Variants in ASXL1 observed in about 807,000 individuals in gnomAD.
ASXL1 encodes polycomb group protein ASXL1.
A neutral mutation model predicts 89.1 loss-of-function variants in ASXL1; 65 were observed. That is an observed-to-expected ratio of 0.73 (90% confidence interval 0.60 to 0.90). The LOEUF (loss-of-function observed/expected upper bound fraction) is 0.90, where lower values mean the gene tolerates loss of function less well. ASXL1 is among the 40% of genes least tolerant of loss of function. The pLI is 0.00. For synonymous variants in ASXL1, 739 were observed against 746.9 expected (o/e 0.99, Z 0.17); for missense variants, 1,786 against 1,942.9 (o/e 0.92, Z 1.52).
chr20:32,359,164 T>TG, intron 1 of ASXL1: 1 of 672,978 alleles, frequency 1.5e-6, no homozygotes, highest in Admixed American at 2.1e-5. Context: ...TCTGGGGGTC[T>TG]GGGGCAGCTT....
intron 2 of ASXL1, among the ~76,000 whole-genome samples, chr20:32,366,977 A>G (rs1220067730): frequency 1.3e-5 from 2 of 151,734 alleles, no homozygotes; most frequent in Admixed American, 6.6e-5. Context: ...TTTATGGTGT[A>G]GTTTTCCTGG....
intron 4 of ASXL1, among the ~76,000 whole-genome samples, chr20:32,420,398 G>C: frequency 6.6e-6 from 1 of 151,838 alleles, no homozygotes; most frequent in East Asian, 1.9e-4. Flanking sequence ...GCTCTCCTTT[G>C]CTCAGATTTG....
At chr20:32,397,763 G>A (rs989820453) in intron 4 of ASXL1, among the ~76,000 whole-genome samples, 3 of 152,224 alleles carry the variant, frequency 2.0e-5, no homozygotes, top group Admixed American at 1.3e-4. Flanking sequence ...CAAAGTTTGC[G>A]TTGGGCCGCA....
Position 32,433,399 on chromosome 20 carries a change from A to AC in ASXL1, c.1204dup (p.Arg402ProfsTer8), listed in dbSNP as rs1191125807. The AC allele has an allele frequency of 6.2e-7, 1 of 1,614,216 alleles. No homozygotes were observed. On this transcript the variant is annotated frameshift_variant, in exon 12 of 13. Transcript: ENST00000375687. LOFTEE classifies it high-confidence loss of function. Reference sequence around the variant, plus strand: ...AGTGCGTATACAGCGTGGTCCAGCCACCCGACAGCGAGATGGGCATTTTAA... The same window carrying AC: ...AGTGCGTATACAGCGTGGTCCAGCCACCCCGACAGCGAGATGGGCATTTTAA...
Position 32,437,580 on chromosome 20 carries a change from C to A in ASXL1, c.*242C>A. The A allele has an allele frequency of 1.4e-4, 73 of 524,936 alleles. No individual in the cohort carries two copies. The highest frequency in any genetic ancestry group is 5.3e-4 in the Middle Eastern group (1 of 1,886). 32.5% of individuals were successfully genotyped at this position (524,936 alleles called of 1,614,324 possible). A position where few individuals can be genotyped will look rare whatever the true frequency, so the allele number is the denominator to read the frequency against. ...AGGCCAGCCAGCCTGAGCTCTCCTG[C>A]AAGACAGAGCCTGATGTGGCACGGA... On this transcript the variant is annotated 3_prime_UTR_variant, in exon 13 of 13. Coordinates refer to ENST00000375687, the MANE Select transcript of ASXL1 (RefSeq NM_015338.6).
chr20:32,377,274 C>T (rs927349566), intron 4 of ASXL1, among the ~76,000 whole-genome samples: 4 of 148,668 alleles, frequency 2.7e-5, no homozygotes, highest in Admixed American at 2.1e-4. Flanking sequence ...GCGTGAGCCA[C>T]GTGCCTGGCC....
intron 4 of ASXL1, among the ~76,000 whole-genome samples, chr20:32,411,059 AAAAAAAT>A (rs2049035646): frequency 7.4e-6 from 1 of 134,468 alleles, no homozygotes; most frequent in African/African-American, 2.6e-5. Context: ...AAAAAAATAA[AAAAAAAT>A]TAGTACTCTG....
At position 32,429,715 on chromosome 20, in the gene ASXL1, C is replaced by T. The variant is rs1277039956; in HGVS notation, c.566-186C>T. The T allele has an allele frequency of 8.4e-6, 7 of 830,342 alleles. No homozygotes were observed. Among genetic ancestry groups the T allele is most frequent in the South Asian group, 1.8e-5 (1 of 57,118 alleles). The allele number at this position is 830,342 out of a possible 1,614,324, so 51.4% of individuals were successfully genotyped here. A position where few individuals can be genotyped will look rare whatever the true frequency, so the allele number is the denominator to read the frequency against. On this transcript the variant is annotated intron_variant, in intron 7 of 12. Coordinates refer to ENST00000375687, the MANE Select transcript of ASXL1 (RefSeq NM_015338.6). This position sits in a 1 kb window ranked among gnomAD's most constrained non-coding sequence, Gnocchi z 4.9. ...TATACAAATAAAGATGGCAGTTTGGCACCTGTAAGGTGATATTTTAAAGCC... is the reference window on the plus strand; with the variant it reads ...TATACAAATAAAGATGGCAGTTTGGTACCTGTAAGGTGATATTTTAAAGCC...
At chr20:32,424,847 T>C (rs1415017076) in intron 4 of ASXL1, among the ~76,000 whole-genome samples, 1 of 152,184 alleles carries the variant, frequency 6.6e-6, no homozygotes, top group Non-Finnish European at 1.5e-5. Flanking sequence ...AGGACACAAA[T>C]GTTCAGCTTA....
At chr20:32,393,820 TGTG>T (rs747913148) in intron 4 of ASXL1, among the ~76,000 whole-genome samples, 4 of 151,944 alleles carry the variant, frequency 2.6e-5, no homozygotes, top group East Asian at 1.9e-4. Context: ...ATTTGTCTGA[TGTG>T]GTGTTTTTTT....
intron 4 of ASXL1, among the ~76,000 whole-genome samples, chr20:32,389,490 A>G (rs1361231753): frequency 1.3e-5 from 2 of 151,990 alleles, no homozygotes; most frequent in African/African-American, 4.8e-5. Flanking sequence ...GGGACTGAGT[A>G]TTGTGAGTGT....
In ASXL1 at chr20:32,435,530, T is replaced by C. The variant is rs1422246990; in HGVS notation, c.2818T>C (p.Leu940=). 6.2e-7 allele frequency: 1 copy of C among 1,613,932 alleles called. No homozygotes were observed. Among genetic ancestry groups the C allele is most frequent in the Non-Finnish European group, 8.5e-7 (1 of 1,180,018 alleles). ...GAAAGCTGCTCCCACCCCTCCTGCATTGCCTGGGGATTTGACAGCTGAGGA... is the reference window on the plus strand; with the variant it reads ...GAAAGCTGCTCCCACCCCTCCTGCACTGCCTGGGGATTTGACAGCTGAGGA... ...WEKAAPTPPA[L]PGDLTAEEGL... Residue 940 remains leucine (L), a synonymous_variant, in exon 13 of 13, where the codon TTG becomes CTG. Transcript: ENST00000375687.
chr20:32,406,809 C>G (rs1222542231), intron 4 of ASXL1, among the ~76,000 whole-genome samples: 1 of 152,112 alleles, frequency 6.6e-6, no homozygotes, highest in Non-Finnish European at 1.5e-5. Flanking sequence ...GGGCATTTCA[C>G]TCATCTTGAT....
rs1296832885 is a variant in ASXL1 at position 32,413,633 on chromosome 20, C to T, written c.253-14495C>T. ...GTGGCCAGCCATCCTGGTTTGCCCACGATTGAGGGGTTTCCCGGGGTGTAG... is the reference window on the plus strand; with the variant it reads ...GTGGCCAGCCATCCTGGTTTGCCCATGATTGAGGGGTTTCCCGGGGTGTAG... On this transcript the variant is annotated intron_variant, in intron 4 of 12. Coordinates refer to ENST00000375687, the MANE Select transcript of ASXL1 (RefSeq NM_015338.6). Among the ~76,000 whole-genome samples the T allele has an allele frequency of 3.9e-5, 6 of 152,278 alleles. 1 individual carries two copies. In the South Asian group the frequency reaches 6.2e-4, roughly 16 times the overall value.
In ASXL1 at chr20:32,437,410, T is replaced by C; in HGVS notation, c.*72T>C. 6.3e-7 allele frequency: 1 copy of C among 1,580,988 alleles called. No homozygotes were observed. The highest frequency in any genetic ancestry group is 1.1e-5 in the South Asian group (1 of 89,710). ...GATAATGATTGATCTTAAATCTGTATACAGAATATCATTGATATAATACTC... is the reference window on the plus strand; with the variant it reads ...GATAATGATTGATCTTAAATCTGTACACAGAATATCATTGATATAATACTC... On this transcript the variant is annotated 3_prime_UTR_variant, in exon 13 of 13. Transcript: ENST00000375687.
chr20:32,388,455 C>T (rs1324054563), intron 4 of ASXL1, among the ~76,000 whole-genome samples: 5 of 152,160 alleles, frequency 3.3e-5, no homozygotes, highest in Non-Finnish European at 7.3e-5. Context: ...GGATTACAGG[C>T]GTCAGCCACC....
At chr20:32,370,326 G>T (rs899719599) in intron 4 of ASXL1, among the ~76,000 whole-genome samples, 2 of 151,254 alleles carry the variant, frequency 1.3e-5, no homozygotes, top group South Asian at 2.1e-4. Flanking sequence ...TTGTTTTGTG[G>T]ATCATACTGT....
Position 32,436,221 on chromosome 20 carries a change from T to C in ASXL1, c.3509T>C (p.Leu1170Ser), listed in dbSNP as rs2011857511. ...GTTGATGGAAGCAGCCCCAGTTCTTTAAGGGCTTTGAAGGAGCCTCTTCTG... is the reference window on the plus strand; with the variant it reads ...GTTGATGGAAGCAGCCCCAGTTCTTCAAGGGCTTTGAAGGAGCCTCTTCTG... The part of the protein sequence containing the change: ...GMVDGSSPSS[L>S]RALKEPLLPD... Residue 1170 changes from leucine to serine, a missense_variant, in exon 13 of 13, where the codon TTA (leucine) becomes TCA (serine). Around this residue, in one of 3 missense-constraint regions of ASXL1, gnomAD observed 1,418 missense variants for 1,427.8 expected, o/e 0.99. Coordinates refer to ENST00000375687, the MANE Select transcript of ASXL1 (RefSeq NM_015338.6). 6.2e-7 allele frequency: 1 copy of C among 1,614,258 alleles called. No homozygotes were observed. Among genetic ancestry groups the C allele is most frequent in the South Asian group, 1.1e-5 (1 of 91,086 alleles).
chr20:32,392,660 A>G (rs1403161403), intron 4 of ASXL1, among the ~76,000 whole-genome samples: 5 of 151,588 alleles, frequency 3.3e-5, no homozygotes, highest in Non-Finnish European at 7.4e-5. Context: ...ATGCACACAC[A>G]CATTTTGATA....
Sources: gnomAD v4.1 joint callset for allele counts (sites outside exome capture counted in the v4.1 genomes callset) on GRCh38, gnomAD v4.1.1 for gene constraint, gnomAD v4.1.1 regional missense constraint, Gnocchi (gnomAD v3.1) non-coding constraint, MANE v1.5 for transcripts, NCBI Gene and HGNC (gene_info 2026-07-23, HGNC 2026-07-21) for gene names.